The following ARHGAP6 variants were observed in gnomAD, a reference collection of about 807,000 sequenced individuals.
ARHGAP6 encodes the protein rho GTPase-activating protein 6.
In ARHGAP6, 16 loss-of-function variants were observed where a neutral mutation model predicts 55.7. That is an observed-to-expected ratio of 0.29 (90% confidence interval 0.19 to 0.44). The LOEUF (loss-of-function observed/expected upper bound fraction) is 0.44. Ranked by LOEUF, ARHGAP6 falls within the 20% of genes least tolerant of loss-of-function variation. The probability of loss-of-function intolerance (pLI) is 1.00; values close to 1 mark genes in which losing one functional copy is unlikely to be tolerated. For missense variants in ARHGAP6, 698 were observed against 808.9 expected, an observed-to-expected ratio of 0.86 and a Z score of 1.66; for synonymous variants, 382 against 360.9, an observed-to-expected ratio of 1.06 and a Z score of -0.66.
intron 1 of ARHGAP6, among the ~76,000 whole-genome samples, chrX:11,638,038 C>T (rs1330600055): frequency 9.0e-6 from 1 of 111,040 alleles, no homozygotes; most frequent in African/African-American, 3.3e-5. Context: ...GGAAGCAAAC[C>T]AGAGGCTTAG....
At chrX:11,297,753 G>T (rs982306389) in intron 1 of ARHGAP6, among the ~76,000 whole-genome samples, 2 of 112,202 alleles carry the variant, frequency 1.8e-5, no homozygotes, top group Non-Finnish European at 3.8e-5. Flanking sequence ...CAGTCAATCT[G>T]TGTTTCTAGG....
intron 1 of ARHGAP6, among the ~76,000 whole-genome samples, chrX:11,498,806 C>T (rs1437974863): frequency 8.9e-6 from 1 of 112,030 alleles, no homozygotes; most frequent in East Asian, 2.8e-4. Context: ...TGAAATAAAA[C>T]AATTATACAC....
At chrX:11,206,839 T>C (rs975199889) in intron 2 of ARHGAP6, among the ~76,000 whole-genome samples, 6 of 111,480 alleles carry the variant, frequency 5.4e-5, no homozygotes, top group Non-Finnish European at 5.6e-5. Context: ...GGATTTTGCA[T>C]ACATTTTAAA....
intron 5 of ARHGAP6, among the ~76,000 whole-genome samples, chrX:11,185,270 C>T (rs757602721): frequency 2.0e-4 from 22 of 109,659 alleles, no homozygotes; most frequent in East Asian, 8.6e-4. Context: ...TTAAAAGAAC[C>T]TACACTTAAA....
chrX:11,406,717 G>A (rs751301232), intron 1 of ARHGAP6, among the ~76,000 whole-genome samples: 2 of 111,716 alleles, frequency 1.8e-5, no homozygotes, highest in African/African-American at 3.3e-5. Context: ...AGTGTCCAGC[G>A]AAAGGCCAGA....
intron 1 of ARHGAP6, among the ~76,000 whole-genome samples, chrX:11,544,489 C>T (rs1014563211): frequency 2.7e-5 from 3 of 112,262 alleles, no homozygotes; most frequent in African/African-American, 9.7e-5. Flanking sequence ...TGGGTTATGC[C>T]TGTCATTTTG....
intron 1 of ARHGAP6, among the ~76,000 whole-genome samples, chrX:11,374,633 T>C (rs1603145853): frequency 8.9e-6 from 1 of 112,360 alleles, no homozygotes; most frequent in African/African-American, 3.2e-5. Flanking sequence ...ATCAAATAAA[T>C]CTGAAAGAGT....
At chrX:11,252,247 C>A (rs764787847) in intron 2 of ARHGAP6, among the ~76,000 whole-genome samples, 1 of 112,857 alleles carries the variant, frequency 8.9e-6, no homozygotes, top group Non-Finnish European at 1.9e-5. Context: ...GATATCTTAT[C>A]TGATGTGCAT....
chrX:11,465,853 A>C (rs1281835777), intron 1 of ARHGAP6, among the ~76,000 whole-genome samples: 1 of 111,776 alleles, frequency 8.9e-6, no homozygotes, highest in Non-Finnish European at 1.9e-5. Flanking sequence ...GCACAGTTCT[A>C]AATCTATGAA....
intron 1 of ARHGAP6, among the ~76,000 whole-genome samples, chrX:11,281,141 C>T (rs2047849813): frequency 8.9e-6 from 1 of 111,947 alleles, no homozygotes; most frequent in South Asian, 3.7e-4. Flanking sequence ...AGAGACATCA[C>T]GTTGAGCGAA....
chrX:11,515,774 A>C (rs1344989405), intron 1 of ARHGAP6, among the ~76,000 whole-genome samples: 1 of 112,491 alleles, frequency 8.9e-6, no homozygotes, highest in Non-Finnish European at 1.9e-5. Context: ...ACAGTAAACA[A>C]TTTGCACAAA....
intron 3 of ARHGAP6, among the ~76,000 whole-genome samples, chrX:11,192,919 A>G (rs1432246224): frequency 1.8e-5 from 2 of 112,242 alleles, no homozygotes; most frequent in Non-Finnish European, 3.8e-5. Flanking sequence ...TGACACAGAA[A>G]TTTTCTGAAG....
At chrX:11,656,075 A>G (rs915798743) in intron 1 of ARHGAP6, among the ~76,000 whole-genome samples, 1 of 112,515 alleles carries the variant, frequency 8.9e-6, no homozygotes, top group African/African-American at 3.2e-5. Flanking sequence ...CCAAGTTATC[A>G]AAAGTAAAGT....
intron 1 of ARHGAP6, among the ~76,000 whole-genome samples, chrX:11,538,599 G>A (rs1814011944): frequency 9.0e-6 from 1 of 111,194 alleles, no homozygotes; most frequent in Admixed American, 9.6e-5. Context: ...CTCCTATAAT[G>A]TGTACAATAA....
chrX:11,469,203 T>C (rs2050324453), intron 1 of ARHGAP6, among the ~76,000 whole-genome samples: 1 of 112,740 alleles, frequency 8.9e-6, no homozygotes, highest in South Asian at 3.6e-4. Flanking sequence ...TGATAATGCT[T>C]TTTAAGAAAC....
At chrX:11,436,849 T>C (rs985748021) in intron 1 of ARHGAP6, among the ~76,000 whole-genome samples, 2 of 98,628 alleles carry the variant, frequency 2.0e-5, no homozygotes, top group Non-Finnish European at 4.0e-5. Context: ...AGAGTAGATG[T>C]CGGGTTGCCT....
intron 1 of ARHGAP6, among the ~76,000 whole-genome samples, chrX:11,524,642 T>C (rs1013862568): frequency 4.5e-5 from 5 of 111,391 alleles, no homozygotes; most frequent in African/African-American, 1.6e-4. Flanking sequence ...CTGTGCACTA[T>C]AGCAGCAGTC....
chrX:11,379,895 A>C (rs2147720898), intron 1 of ARHGAP6, among the ~76,000 whole-genome samples: 1 of 111,112 alleles, frequency 9.0e-6, no homozygotes, highest in African/African-American at 3.3e-5. Flanking sequence ...GAGGACAGTG[A>C]CGTACAAACT....
chrX:11,645,409 A>T (rs996993417), intron 1 of ARHGAP6, among the ~76,000 whole-genome samples: 1 of 111,423 alleles, frequency 9.0e-6, no homozygotes, highest in African/African-American at 3.3e-5. Flanking sequence ...ACGTTACTTC[A>T]TTTCTAAAAA....
Sources: gnomAD v4.1 joint callset for allele counts (sites outside exome capture counted in the v4.1 genomes callset) on GRCh38, gnomAD v4.1.1 for gene constraint, MANE v1.5 for transcripts, NCBI Gene and HGNC (gene_info 2026-07-23, HGNC 2026-07-21) for gene names.